Variants in HK2 observed in about 807,000 individuals in gnomAD.
HK2 encodes hexokinase 2.
In HK2, 42 loss-of-function variants were observed where a neutral mutation model predicts 92.9. That is an observed-to-expected ratio of 0.45 (90% CI 0.35 to 0.58). HK2 has a LOEUF of 0.58. Ranked by LOEUF, HK2 falls within the 20% of genes least tolerant of loss-of-function variation. HK2 has a pLI of 0.00. For missense variants in HK2, 978 were observed against 1,245.1 expected (o/e 0.79, Z 3.23); for synonymous variants, 422 against 468.0 (o/e 0.90, Z 1.27).
In HK2 at chr2:74,873,838, C is replaced by T. The variant is rs759679454; in HGVS notation, c.592-6C>T. On this transcript the variant is annotated splice_region_variant and splice_polypyrimidine_tract_variant and intron_variant, in intron 5 of 17. Coordinates refer to ENST00000290573, the MANE Select transcript of HK2 (RefSeq NM_000189.5). The stretch of plus-strand genomic sequence containing the variant: ...AAGGTCAGAGCCCTCCCATTTGTCT[C>T]CACAGGACTTTGATATCGACATTGT... 15 of 1,610,960 alleles carry T rather than the reference C, an allele frequency of 9.3e-6. No homozygotes were observed. Among genetic ancestry groups the T allele is most frequent in the Non-Finnish European group, 1.0e-5 (12 of 1,177,432 alleles).
intron 2 of HK2, among the ~76,000 whole-genome samples, chr2:74,858,936 G>T (rs975142287): frequency 2.0e-5 from 3 of 152,206 alleles, no homozygotes; most frequent in African/African-American, 7.2e-5. Context: ...TGCTTCATAG[G>T]TTGTGTGGCC....
intron 2 of HK2, among the ~76,000 whole-genome samples, chr2:74,862,670 G>T (rs1221860105): frequency 3.3e-5 from 5 of 152,198 alleles, no homozygotes; most frequent in Admixed American, 6.5e-5. Context: ...CAAGTTAATT[G>T]GGGTACTTAC....
chr2:74,879,697 C>T (rs1377414563), intron 9 of HK2, among the ~76,000 whole-genome samples: 2 of 152,176 alleles, frequency 1.3e-5, no homozygotes, highest in Non-Finnish European at 1.5e-5. Flanking sequence ...GACCATGGCT[C>T]CAAGTGGCCA....
intron 2 of HK2, among the ~76,000 whole-genome samples, chr2:74,854,883 A>G (rs1022172440): frequency 2.0e-5 from 3 of 152,220 alleles, no homozygotes; most frequent in Non-Finnish European, 4.4e-5. Flanking sequence ...GACGCCGTGT[A>G]GGCATGTGGG....
At chr2:74,885,065 C>A (rs1253949614) in intron 12 of HK2, among the ~76,000 whole-genome samples, 2 of 152,158 alleles carry the variant, frequency 1.3e-5, no homozygotes. Context: ...GTGAGCGAAC[C>A]AAGCACATAG....
intron 1 of HK2, among the ~76,000 whole-genome samples, chr2:74,844,201 C>T (rs947354350): frequency 1.3e-5 from 2 of 149,596 alleles, no homozygotes; most frequent in Admixed American, 1.4e-4. Context: ...ACAAACCCTT[C>T]ATTTTACAGT....
intron 1 of HK2, among the ~76,000 whole-genome samples, chr2:74,851,990 C>T (rs568194378): frequency 2.6e-4 from 39 of 152,330 alleles, no homozygotes; most frequent in African/African-American, 9.4e-4. Context: ...GACAAGAGCA[C>T]AGACCAGCCA....
At chr2:74,839,591 A>G (rs1315838223) in intron 1 of HK2, among the ~76,000 whole-genome samples, 1 of 152,070 alleles carries the variant, frequency 6.6e-6, no homozygotes, top group African/African-American at 2.4e-5. Flanking sequence ...TACATTTCAG[A>G]GAGAGCTAAG....
intron 3 of HK2, 70 bp downstream of exon 3, chr2:74,867,854 T>C (rs1573375530): frequency 3.1e-4 from 485 of 1,567,540 alleles, no homozygotes; most frequent in Middle Eastern, 1.7e-4. Context: ...CTGTACTTTC[T>C]CCAGCCGCTC....
chr2:74,877,634 C>T (rs898477282), intron 8 of HK2, among the ~76,000 whole-genome samples: 3 of 152,214 alleles, frequency 2.0e-5, no homozygotes, highest in African/African-American at 7.2e-5. Flanking sequence ...GACTTAGCTG[C>T]ATCTGCCTCC....
chr2:74,884,329 C>A (rs1689470729), intron 12 of HK2, among the ~76,000 whole-genome samples: 1 of 152,230 alleles, frequency 6.6e-6, no homozygotes, highest in Non-Finnish European at 1.5e-5. Context: ...TGGGGAAATC[C>A]CACCAGTGCA....
intron 1 of HK2, among the ~76,000 whole-genome samples, chr2:74,843,168 G>C (rs1273570133): frequency 1.3e-5 from 2 of 152,154 alleles, no homozygotes; most frequent in Non-Finnish European, 2.9e-5. Context: ...AGAAGGGAAT[G>C]GCCATTCTCA....
chr2:74,838,350 G>A (rs1190514515), intron 1 of HK2, among the ~76,000 whole-genome samples: 1 of 152,050 alleles, frequency 6.6e-6, no homozygotes, highest in Non-Finnish European at 1.5e-5. Flanking sequence ...TTAGGCTAAA[G>A]GGATGGTATA....
At chr2:74,876,756 A>C (rs1689242618) in intron 7 of HK2, among the ~76,000 whole-genome samples, 1 of 152,240 alleles carries the variant, frequency 6.6e-6, no homozygotes, top group South Asian at 2.1e-4. Flanking sequence ...CCTGTGCTAC[A>C]TATCTAATCA....
intron 2 of HK2, among the ~76,000 whole-genome samples, chr2:74,856,422 T>TTATC (rs1688698033): frequency 1.3e-5 from 2 of 152,114 alleles, no homozygotes; most frequent in Admixed American, 6.5e-5. Flanking sequence ...GAGGGGCCTC[T>TTATC]TATCTCTTCC....
rs540631070 is a variant in HK2 at position 74,869,962 on chromosome 2, G to A, written c.375+2178G>A. On this transcript the variant is annotated intron_variant, in intron 3 of 17. Transcript: ENST00000290573. ...GCCCTTGAAGTGTGGCTGGTGTGAC[G>A]GAGGAACTGAATTTTTAAGGTCTTT... Among the ~76,000 whole-genome samples the A allele has an allele frequency of 2.7e-4, 41 of 151,948 alleles. 1 individual carries two copies. In the South Asian group the frequency reaches 4.0e-3, roughly 15 times the overall value.
rs868799510 is a variant in HK2, at chr2:74,834,138, T to C, written c.-443T>C. On this transcript the variant is annotated 5_prime_UTR_variant, in exon 1 of 18. An upstream start codon of the reference 5' UTR is lost. Transcript: ENST00000290573. The surrounding 1 kb of genome is among the most constrained non-coding windows in gnomAD (Gnocchi z 4.2). ...CCCCTCAATAAGCCACATTGTTGCA[T>C]GAAACTCCGGCGCAGGAGTCCCGGG... 7 of 332,676 alleles carry C rather than the reference T, an allele frequency of 2.1e-5. No homozygotes were observed. The highest frequency in any genetic ancestry group is 7.2e-5 in the South Asian group (3 of 41,890). 20.6% of individuals were successfully genotyped at this position (332,676 alleles called of 1,614,324 possible).
At position 74,840,684 on chromosome 2, in the gene HK2, G is replaced by C. The variant is rs1233049203; in HGVS notation, c.63+6041G>C. Among the ~76,000 whole-genome samples, 9 of 145,452 alleles carry C rather than the reference G, an allele frequency of 6.2e-5. No homozygotes were observed. The Admixed American group carries it at 6.2e-4, about 10-fold the overall frequency. Reference sequence around the variant, plus strand: ...ATATCAAGACCATCCTGGCTAACACGGTGAAACCCCGTCTCTACTAAAAAT... The same window carrying C: ...ATATCAAGACCATCCTGGCTAACACCGTGAAACCCCGTCTCTACTAAAAAT... On this transcript the variant is annotated intron_variant, in intron 1 of 17. Transcript: ENST00000290573.
intron 1 of HK2, among the ~76,000 whole-genome samples, chr2:74,838,610 C>T (rs1688229434): frequency 6.7e-6 from 1 of 150,350 alleles, no homozygotes; most frequent in South Asian, 2.1e-4. Context: ...GCAATCTCAG[C>T]TCACTGCAAA....
Sources: gnomAD v4.1 joint callset for allele counts (sites outside exome capture counted in the v4.1 genomes callset) on GRCh38, gnomAD v4.1.1 for gene constraint, Gnocchi (gnomAD v3.1) non-coding constraint, MANE v1.5 for transcripts, NCBI Gene and HGNC (gene_info 2026-07-23, HGNC 2026-07-21) for gene names.